The following FHIP1A variants were observed in gnomAD, a reference collection of about 807,000 sequenced individuals.
FHIP1A encodes the protein FHF complex subunit HOOK-interacting protein 1A.
FHIP1A carries 61 observed loss-of-function variants against 88.6 expected under a neutral mutation model. The ratio of observed to expected loss-of-function variants is 0.69; its 90% CI spans 0.56 to 0.85. FHIP1A has a LOEUF of 0.85. Ranked by LOEUF, FHIP1A falls within the 40% of genes least tolerant of loss-of-function variation. The pLI is 0.00. For missense variants in FHIP1A, 1,154 were observed against 1,273.5 expected, an observed-to-expected ratio of 0.91 and a Z score of 1.43; for synonymous variants, 478 against 496.0, an observed-to-expected ratio of 0.96 and a Z score of 0.48.
intron 1 of FHIP1A, among the ~76,000 whole-genome samples, chr4:151,435,447 T>C (rs1363066925): frequency 6.6e-6 from 1 of 152,204 alleles, no homozygotes; most frequent in Non-Finnish European, 1.5e-5. Flanking sequence ...GGATTTGCCC[T>C]ATTTAACCTC....
At chr4:151,430,055 A>G (rs1733537248) in intron 1 of FHIP1A, among the ~76,000 whole-genome samples, 1 of 152,106 alleles carries the variant, frequency 6.6e-6, no homozygotes, top group African/African-American at 2.4e-5. Context: ...TTATAATAAG[A>G]AGTGTGTTGT....
intron 2 of FHIP1A, among the ~76,000 whole-genome samples, chr4:151,475,427 G>A (rs1343199522): frequency 6.6e-6 from 1 of 152,138 alleles, no homozygotes; most frequent in African/African-American, 2.4e-5. Context: ...TATTTCATGG[G>A]GGGTAGACAG....
At chr4:151,453,141 C>T (rs112509366) in intron 1 of FHIP1A, among the ~76,000 whole-genome samples, 7 of 151,734 alleles carry the variant, frequency 4.6e-5, no homozygotes, top group African/African-American at 1.7e-4. Context: ...CTCAGCCTCC[C>T]GAGTAGCTGG....
At chr4:151,418,911 G>A (rs1451014897) in intron 1 of FHIP1A, among the ~76,000 whole-genome samples, 1 of 152,058 alleles carries the variant, frequency 6.6e-6, no homozygotes, top group African/African-American at 2.4e-5. Context: ...TCTCTTTCCA[G>A]TTTTTCTTGC....
chr4:151,619,119 G>C (rs2126860674), intron 7 of FHIP1A, among the ~76,000 whole-genome samples: 1 of 152,288 alleles, frequency 6.6e-6, no homozygotes, highest in Non-Finnish European at 1.5e-5. Flanking sequence ...CTCTCAGGGA[G>C]GGGTTTCCAG....
chr4:151,414,852 C>T (rs1470766337), intron 1 of FHIP1A, among the ~76,000 whole-genome samples: 1 of 152,100 alleles, frequency 6.6e-6, no homozygotes, highest in Non-Finnish European at 1.5e-5. Context: ...AGTTAATTTT[C>T]TTATTACATA....
chr4:151,531,499 T>G (rs1731876087), intron 3 of FHIP1A, among the ~76,000 whole-genome samples: 1 of 119,532 alleles, frequency 8.4e-6, no homozygotes, highest in African/African-American at 3.3e-5. Context: ...ATTTTCTTTT[T>G]TCTTCTTTTT....
At chr4:151,524,960 G>A (rs1031991017) in intron 3 of FHIP1A, among the ~76,000 whole-genome samples, 1 of 152,186 alleles carries the variant, frequency 6.6e-6, no homozygotes. Context: ...TGGTGCGTCA[G>A]CTCCATCTCT....
chr4:151,458,801 G>T (rs1240527840), intron 2 of FHIP1A, among the ~76,000 whole-genome samples: 1 of 152,064 alleles, frequency 6.6e-6, no homozygotes, highest in Non-Finnish European at 1.5e-5. Context: ...GCTTATCTTA[G>T]TCGGCTCCTA....
At chr4:151,648,008 CA>C (rs1372081223) in intron 10 of FHIP1A, among the ~76,000 whole-genome samples, 10 of 152,168 alleles carry the variant, frequency 6.6e-5, no homozygotes, top group African/African-American at 2.4e-4. Flanking sequence ...TTTCAGATGC[CA>C]TGTTCTTTCC....
intron 4 of FHIP1A, among the ~76,000 whole-genome samples, chr4:151,567,895 C>T (rs1034792914): frequency 3.9e-5 from 6 of 152,162 alleles, no homozygotes; most frequent in South Asian, 2.1e-4. Context: ...TATCTTACTA[C>T]GTAATCTTCG....
rs374908610 is a variant in FHIP1A at position 151,432,514 on chromosome 4, C to T, written c.-355-22187C>T. 4.3e-4 allele frequency among the ~76,000 whole-genome samples: 65 copies of T among 152,326 alleles called. No individual in the cohort carries two copies. The South Asian group carries it at 0.013, about 30-fold the overall frequency. On this transcript the variant is annotated intron_variant, in intron 1 of 13. Coordinates refer to ENST00000435205, the MANE Select transcript of FHIP1A (RefSeq NM_001109977.3). ...AATAAATATGTAAGCAGGAAAAGACCTGCTCTTCAGAGAATTAAAGTCAGA... is the reference window on the plus strand; with the variant it reads ...AATAAATATGTAAGCAGGAAAAGACTTGCTCTTCAGAGAATTAAAGTCAGA...
At chr4:151,568,557 T>C (rs1375653141) in intron 4 of FHIP1A, among the ~76,000 whole-genome samples, 1 of 152,146 alleles carries the variant, frequency 6.6e-6, no homozygotes, top group Non-Finnish European at 1.5e-5. Context: ...TCAATGGAGA[T>C]TTACTGAGCA....
intron 3 of FHIP1A, among the ~76,000 whole-genome samples, chr4:151,541,524 T>G (rs1447049018): frequency 6.6e-6 from 1 of 152,194 alleles, no homozygotes; most frequent in Admixed American, 6.5e-5. Context: ...TACTGCTGGG[T>G]TTCGTCCCTT....
intron 7 of FHIP1A, among the ~76,000 whole-genome samples, chr4:151,611,018 T>G (rs1056973295): frequency 3.9e-5 from 6 of 152,140 alleles, no homozygotes; most frequent in Admixed American, 1.3e-4. Flanking sequence ...TATTATGACA[T>G]CTCTTGAATA....
chr4:151,523,370 T>C, intron 3 of FHIP1A, among the ~76,000 whole-genome samples: 1 of 152,214 alleles, frequency 6.6e-6, no homozygotes, highest in East Asian at 1.9e-4. Flanking sequence ...TGTTCATTTA[T>C]TGTATAAAAT....
At chr4:151,487,964 G>A (rs527701468) in intron 3 of FHIP1A, among the ~76,000 whole-genome samples, 2 of 152,060 alleles carry the variant, frequency 1.3e-5, no homozygotes, top group East Asian at 3.9e-4. Context: ...TATCTGCTTG[G>A]GACTCTTGAG....
chr4:151,591,561 G>A (rs1280019010), intron 7 of FHIP1A, among the ~76,000 whole-genome samples: 3 of 152,098 alleles, frequency 2.0e-5, no homozygotes, highest in Middle Eastern at 3.4e-3. Flanking sequence ...CCATCAACTC[G>A]TCATCTACAT....
intron 7 of FHIP1A, among the ~76,000 whole-genome samples, chr4:151,613,498 G>A (rs975047242): frequency 2.0e-5 from 3 of 152,208 alleles, no homozygotes; most frequent in African/African-American, 4.8e-5. Context: ...TGAAATGCCC[G>A]TTAACCTCCT....
Sources: gnomAD v4.1 joint callset for allele counts (sites outside exome capture counted in the v4.1 genomes callset) on GRCh38, gnomAD v4.1.1 for gene constraint, MANE v1.5 for transcripts, NCBI Gene and HGNC (gene_info 2026-07-23, HGNC 2026-07-21) for gene names.